Variants in SLC8A1 observed in about 807,000 individuals in gnomAD.
SLC8A1 encodes the protein sodium/calcium exchanger 1.
In SLC8A1, 18 loss-of-function variants were observed where a neutral mutation model predicts 68.3. The ratio of observed to expected loss-of-function variants is 0.26; its 90% CI spans 0.18 to 0.39. The LOEUF (loss-of-function observed/expected upper bound fraction) is 0.39, where lower values mean the gene tolerates loss of function less well. Ranked by LOEUF, SLC8A1 falls within the 10% of genes least tolerant of loss-of-function variation. The pLI is 1.00. For synonymous variants in SLC8A1, 475 were observed against 415.5 expected, an observed-to-expected ratio of 1.14 and a Z score of -1.74; for missense variants, 985 against 1,156.7, an observed-to-expected ratio of 0.85 and a Z score of 2.15.
intron 2 of SLC8A1, among the ~76,000 whole-genome samples, chr2:40,241,831 C>A (rs2061263193): frequency 6.6e-6 from 1 of 152,020 alleles, no homozygotes; most frequent in African/African-American, 2.4e-5. Flanking sequence ...CCTATTTGTT[C>A]CAATCTAGTA....
chr2:40,403,399 C>T (rs1689339573), intron 2 of SLC8A1, among the ~76,000 whole-genome samples: 1 of 152,108 alleles, frequency 6.6e-6, no homozygotes, highest in East Asian at 1.9e-4. Context: ...TTCAAGAGTC[C>T]CAGCCTCTAT....
At chr2:40,463,260 A>G (rs552972052) in intron 1 of SLC8A1, among the ~76,000 whole-genome samples, 1 of 152,290 alleles carries the variant, frequency 6.6e-6, no homozygotes, top group African/African-American at 2.4e-5. Context: ...TTCGGACACA[A>G]AGGCCCTGAG....
intron 6 of SLC8A1, among the ~76,000 whole-genome samples, chr2:40,156,233 G>A (rs567564213): frequency 1.6e-4 from 25 of 152,234 alleles, no homozygotes; most frequent in African/African-American, 5.5e-4. Context: ...TTTCAGTATT[G>A]GATGGTATCT....
chr2:40,422,004 G>T (rs945320459), intron 2 of SLC8A1, among the ~76,000 whole-genome samples: 2 of 152,116 alleles, frequency 1.3e-5, no homozygotes, highest in Admixed American at 6.6e-5. Context: ...GAAATCCAGG[G>T]CAGGAACTGC....
At chr2:40,333,549 A>C (rs543201087) in intron 2 of SLC8A1, among the ~76,000 whole-genome samples, 19 of 152,102 alleles carry the variant, frequency 1.2e-4, no homozygotes, top group Middle Eastern at 6.8e-3. Context: ...TCTGAATTCT[A>C]TTCATTTTAT....
rs558269770 is a variant in SLC8A1 at position 40,394,465 on chromosome 2, G to C, written c.1808+34008C>G. ...TTAGTGTGTGTGTGTGCGTGTGTGT[G>C]TGGTGTGTGAGTGAATTTCTGAAAC... On this transcript the variant is annotated intron_variant, in intron 2 of 7. Transcript: ENST00000406785. Among the ~76,000 whole-genome samples the C allele has an allele frequency of 4.6e-5, 7 of 152,152 alleles. No homozygotes were observed. The South Asian group carries it at 1.0e-3, about 23-fold the overall frequency.
chr2:40,475,408 C>T (rs1222877702), intron 1 of SLC8A1, among the ~76,000 whole-genome samples: 1 of 152,124 alleles, frequency 6.6e-6, no homozygotes, highest in African/African-American at 2.4e-5. Context: ...GCTGGGATTA[C>T]AGGCATGAGC....
chr2:40,398,573 C>T (rs1173297675), intron 2 of SLC8A1, among the ~76,000 whole-genome samples: 2 of 151,902 alleles, frequency 1.3e-5, no homozygotes, highest in South Asian at 4.1e-4. Context: ...AAATTTCCTA[C>T]GTACATATTT....
chr2:40,123,914 C>T (rs921822614), intron 7 of SLC8A1, among the ~76,000 whole-genome samples: 4 of 152,166 alleles, frequency 2.6e-5, no homozygotes, highest in Admixed American at 6.5e-5. Flanking sequence ...CTGCACAGAT[C>T]GGTGTCCTCT....
chr2:40,249,680 A>G (rs986144916), intron 2 of SLC8A1, among the ~76,000 whole-genome samples: 3 of 152,182 alleles, frequency 2.0e-5, no homozygotes, highest in East Asian at 1.9e-4. Flanking sequence ...ATTACCATCA[A>G]TTTGAATAAG....
intron 2 of SLC8A1, among the ~76,000 whole-genome samples, chr2:40,333,667 A>G (rs2076671880): frequency 6.6e-6 from 1 of 152,138 alleles, no homozygotes; most frequent in Admixed American, 6.6e-5. Flanking sequence ...TAAATAAAAC[A>G]ATTTCAATTT....
chr2:40,331,286 T>C (rs186551765), intron 2 of SLC8A1, among the ~76,000 whole-genome samples: 1 of 152,364 alleles, frequency 6.6e-6, no homozygotes, highest in East Asian at 1.9e-4. Context: ...AGTGAGAGGC[T>C]AGAAAGTGAA....
chr2:40,149,319 C>T (rs1297744074), intron 6 of SLC8A1, among the ~76,000 whole-genome samples: 1 of 152,178 alleles, frequency 6.6e-6, no homozygotes, highest in African/African-American at 2.4e-5. Flanking sequence ...TCCCTGATCT[C>T]ATAGAATTTC....
At chr2:40,132,037 C>A (rs2039481602) in intron 7 of SLC8A1, among the ~76,000 whole-genome samples, 1 of 151,450 alleles carries the variant, frequency 6.6e-6, no homozygotes, top group African/African-American at 2.4e-5. Context: ...TTTTTCATGC[C>A]AAACAGAATA....
chr2:40,238,290 C>T (rs562650799), intron 2 of SLC8A1, among the ~76,000 whole-genome samples: 86 of 152,202 alleles, frequency 5.7e-4, no homozygotes, highest in African/African-American at 1.7e-4. Context: ...CAGCCAGGTG[C>T]GGGATATAAT....
intron 6 of SLC8A1, among the ~76,000 whole-genome samples, chr2:40,153,753 A>G (rs2043895238): frequency 6.6e-6 from 1 of 152,278 alleles, no homozygotes; most frequent in African/African-American, 2.4e-5. Context: ...TATAAATACA[A>G]TTCCTACACC....
At chr2:40,263,689 G>C (rs184183873) in intron 2 of SLC8A1, among the ~76,000 whole-genome samples, 1 of 151,912 alleles carries the variant, frequency 6.6e-6, no homozygotes, top group Non-Finnish European at 1.5e-5. Context: ...ATCCCTTCCT[G>C]ACACCTTATA....
chr2:40,229,839 G>C (rs747266137), intron 2 of SLC8A1, among the ~76,000 whole-genome samples: 1 of 152,098 alleles, frequency 6.6e-6, no homozygotes, highest in African/African-American at 2.4e-5. Context: ...AAAAGTATTA[G>C]GCAAAAGTAT....
intron 2 of SLC8A1, among the ~76,000 whole-genome samples, chr2:40,178,064 C>G (rs546295113): frequency 6.6e-6 from 1 of 152,278 alleles, no homozygotes; most frequent in Admixed American, 6.5e-5. Context: ...ACGAATTATT[C>G]CCGCTTCAGT....
Sources: gnomAD v4.1 joint callset for allele counts (sites outside exome capture counted in the v4.1 genomes callset) on GRCh38, gnomAD v4.1.1 for gene constraint, MANE v1.5 for transcripts, NCBI Gene and HGNC (gene_info 2026-07-23, HGNC 2026-07-21) for gene names.